Variants in KCNIP4 observed in about 807,000 individuals in gnomAD.
KCNIP4 encodes Kv channel-interacting protein 4.
In KCNIP4, 12 loss-of-function variants were observed where a neutral mutation model predicts 34.0. That is an observed-to-expected ratio of 0.35 (90% CI 0.23 to 0.57). KCNIP4 has a LOEUF of 0.57. KCNIP4 is among the 20% of genes least tolerant of loss of function. The probability of loss-of-function intolerance (pLI) is 0.83; values close to 1 mark genes in which losing one functional copy is unlikely to be tolerated. For synonymous variants in KCNIP4, 124 were observed against 102.2 expected (o/e 1.21, Z -1.29); for missense variants, 238 against 311.7 (o/e 0.76, Z 1.78).
Position 21,948,657 on chromosome 4 carries a change from G to A in KCNIP4, c.-26C>T, listed in dbSNP as rs768419706. ...GTCTAGGGACGCAGGGTGCAGAAGC[G>A]AGACTCGAGAGTCCACCGGCCAGGG... On this transcript the variant is annotated 5_prime_UTR_variant, in exon 1 of 9. Transcript: ENST00000382152. The A allele has an allele frequency of 5.6e-6, 9 of 1,606,936 alleles. No individual in the cohort carries two copies. Among genetic ancestry groups the A allele is most frequent in the South Asian group, 1.1e-5 (1 of 89,586 alleles).
chr4:21,285,120 A>T (rs1164652753), intron 1 of KCNIP4, among the ~76,000 whole-genome samples: 1 of 152,200 alleles, frequency 6.6e-6, no homozygotes, highest in African/African-American at 2.4e-5. Flanking sequence ...TTAAATATTA[A>T]TGCAAACTAG....
chr4:21,802,928 G>A (rs1416812308), intron 1 of KCNIP4, among the ~76,000 whole-genome samples: 2 of 151,676 alleles, frequency 1.3e-5, no homozygotes, highest in African/African-American at 2.4e-5. Flanking sequence ...TTTTTTAAAG[G>A]GGCTTTAAAA....
intron 1 of KCNIP4, among the ~76,000 whole-genome samples, chr4:21,178,135 A>G (rs2113966): frequency 0.098 from 14,928 of 152,072 alleles, 847 homozygotes; most frequent in East Asian, 0.19. Context: ...TCTTCATTAC[A>G]ACACAGTTTA....
chr4:20,747,054 G>C (rs1578498711), intron 5 of KCNIP4, among the ~76,000 whole-genome samples: 1 of 152,108 alleles, frequency 6.6e-6, no homozygotes, highest in Non-Finnish European at 1.5e-5. Context: ...TCATTTAAAA[G>C]GAAAGGCATT....
At chr4:21,126,536 A>G (rs1750623618) in intron 1 of KCNIP4, among the ~76,000 whole-genome samples, 1 of 150,736 alleles carries the variant, frequency 6.6e-6, no homozygotes, top group Non-Finnish European at 1.5e-5. Flanking sequence ...TCTAACTCCC[A>G]CAGCTCTCAG....
chr4:20,853,437 T>C (rs1184095952), intron 2 of KCNIP4, among the ~76,000 whole-genome samples: 1 of 151,994 alleles, frequency 6.6e-6, no homozygotes, highest in Non-Finnish European at 1.5e-5. Context: ...TTGGCTAGCC[T>C]CATGTAGGAG....
intron 3 of KCNIP4, among the ~76,000 whole-genome samples, chr4:20,825,079 T>C (rs1320865915): frequency 6.6e-6 from 1 of 152,142 alleles, no homozygotes; most frequent in African/African-American, 2.4e-5. Flanking sequence ...TAGTATCTCA[T>C]CGTATTTCCC....
chr4:20,781,087 G>T (rs971736663), intron 3 of KCNIP4, among the ~76,000 whole-genome samples: 4 of 152,122 alleles, frequency 2.6e-5, no homozygotes, highest in Non-Finnish European at 5.9e-5. Flanking sequence ...CCAGCTACAA[G>T]AAAGGATATA....
Position 20,908,732 on chromosome 4 carries a change from T to C in KCNIP4, c.62-26023A>G, listed in dbSNP as rs370714574. On this transcript the variant is annotated intron_variant, in intron 1 of 8. Transcript: ENST00000382152. ...GACCATAGTTGTAATAGCTGTTATT[T>C]GTAGAACTCGATATAGAGTTGCATG... Among the ~76,000 whole-genome samples the C allele has an allele frequency of 3.3e-5, 5 of 152,326 alleles. No homozygotes were observed. The South Asian group carries it at 6.2e-4, about 19-fold the overall frequency.
intron 1 of KCNIP4, among the ~76,000 whole-genome samples, chr4:21,306,518 A>T (rs1388698603): frequency 3.3e-5 from 5 of 152,152 alleles, no homozygotes; most frequent in Non-Finnish European, 7.4e-5. Flanking sequence ...CTGGGATTAC[A>T]TGCATGGGCT....
intron 1 of KCNIP4, among the ~76,000 whole-genome samples, chr4:21,926,749 T>C (rs1729271762): frequency 6.6e-6 from 1 of 152,156 alleles, no homozygotes; most frequent in African/African-American, 2.4e-5. Flanking sequence ...TAAGAACCTA[T>C]ACTGAGAAGC....
chr4:21,101,068 T>C (rs1287267458), intron 1 of KCNIP4, among the ~76,000 whole-genome samples: 2 of 152,304 alleles, frequency 1.3e-5, no homozygotes, highest in East Asian at 3.9e-4. Context: ...ACCTAGACAG[T>C]GAACATTGTG....
At chr4:21,363,536 T>TTA (rs1305168582) in intron 1 of KCNIP4, among the ~76,000 whole-genome samples, 2 of 152,148 alleles carry the variant, frequency 1.3e-5, no homozygotes, top group East Asian at 3.8e-4. Flanking sequence ...AAATAAAAAT[T>TTA]TATAATGTGC....
At chr4:21,414,950 T>TA (rs1393429831) in intron 1 of KCNIP4, among the ~76,000 whole-genome samples, 6 of 152,192 alleles carry the variant, frequency 3.9e-5, no homozygotes, top group Non-Finnish European at 7.4e-5. Flanking sequence ...TTCTTTTTTT[T>TA]ATGATCATTC....
Position 21,934,071 on chromosome 4 carries a change from T to G in KCNIP4, c.61+14500A>C, listed in dbSNP as rs2109011739. Among the ~76,000 whole-genome samples, 3 of 152,210 alleles carry G rather than the reference T, an allele frequency of 2.0e-5. No individual in the cohort carries two copies. In the South Asian group the frequency reaches 6.2e-4, roughly 32 times the overall value. ...TTATGTATTCTGAGTTGGTTAGTCTTAGCAAGATTCCCTGTGCCCATTGTC... is the reference window on the plus strand; with the variant it reads ...TTATGTATTCTGAGTTGGTTAGTCTGAGCAAGATTCCCTGTGCCCATTGTC... On this transcript the variant is annotated intron_variant, in intron 1 of 8. Transcript: ENST00000382152.
intron 1 of KCNIP4, among the ~76,000 whole-genome samples, chr4:21,080,702 A>C (rs1210400310): frequency 6.8e-6 from 1 of 146,792 alleles, no homozygotes; most frequent in Non-Finnish European, 1.5e-5. Flanking sequence ...AATTAGTGAT[A>C]TGCATTTTAT....
Position 20,740,831 on chromosome 4 carries a change from G to A in KCNIP4, c.430-6096C>T, listed in dbSNP as rs540660037. Among the ~76,000 whole-genome samples the A allele has an allele frequency of 1.2e-3, 179 of 152,114 alleles. 1 individual carries two copies. The highest frequency in any genetic ancestry group is 3.9e-3 in the South Asian group (19 of 4,816). ...GTGCTGTATTCAGGAGACCCATCTC[G>A]CCTGCAGAGACAAACATAGGCTCAA... On this transcript the variant is annotated intron_variant, in intron 5 of 8. Coordinates refer to ENST00000382152, the MANE Select transcript of KCNIP4 (RefSeq NM_025221.6).
intron 1 of KCNIP4, among the ~76,000 whole-genome samples, chr4:21,395,634 T>C (rs1560363912): frequency 6.6e-6 from 1 of 152,066 alleles, no homozygotes; most frequent in Non-Finnish European, 1.5e-5. Context: ...CTGACACACA[T>C]AAACCATTAA....
At chr4:21,271,955 A>G (rs535058159) in intron 1 of KCNIP4, among the ~76,000 whole-genome samples, 1 of 152,272 alleles carries the variant, frequency 6.6e-6, no homozygotes, top group Non-Finnish European at 1.5e-5. Flanking sequence ...TTCATCAGCA[A>G]CCCCATACAT....
Sources: allele counts gnomAD v4.1 joint callset (sites outside exome capture counted in the v4.1 genomes callset), GRCh38; gene constraint gnomAD v4.1.1; transcripts MANE v1.5; gene names NCBI Gene and HGNC (gene_info 2026-07-23, HGNC 2026-07-21).